Variants in MAML3 observed in about 807,000 individuals in gnomAD.
MAML3 encodes the protein mastermind like transcriptional coactivator 3, also known as mastermind-like protein 3.
MAML3 carries 27 observed loss-of-function variants against 101.9 expected under a neutral mutation model. The observed-to-expected ratio is 0.27, with a 90% CI of 0.20 to 0.37. The LOEUF is 0.37. Ranked by LOEUF, MAML3 falls within the 10% of genes least tolerant of loss-of-function variation. The pLI, the probability that MAML3 is intolerant of heterozygous loss-of-function variation, is 1.00. For synonymous variants in MAML3, 501 were observed against 555.9 expected (o/e 0.90, Z 1.39); for missense variants, 1,316 against 1,444.9 (o/e 0.91, Z 1.45).
chr4:140,114,143 C>A (rs759220041), intron 1 of MAML3, among the ~76,000 whole-genome samples: 36 of 152,276 alleles, frequency 2.4e-4, no homozygotes, highest in Middle Eastern at 3.4e-3. Flanking sequence ...CTCTGCCCTG[C>A]GAAATATGCC....
intron 1 of MAML3, among the ~76,000 whole-genome samples, chr4:139,971,834 G>A (rs970042924): frequency 6.6e-6 from 1 of 152,144 alleles, no homozygotes; most frequent in African/African-American, 2.4e-5. Context: ...CACAGTGTGA[G>A]CATTCCCTGG....
chr4:139,864,934 T>G lies in MAML3; in HGVS notation c.2079+24423A>C, dbSNP rs962843172. 4.0e-4 allele frequency among the ~76,000 whole-genome samples: 57 copies of G among 141,078 alleles called. 3 individuals are homozygous for G. Among genetic ancestry groups the G allele is most frequent in the East Asian group, 2.8e-3 (14 of 4,958 alleles). The allele number at this position is 141,078 out of a possible 152,430, so 92.6% of individuals were successfully genotyped here. A position where few individuals can be genotyped will look rare whatever the true frequency, so the allele number is the denominator to read the frequency against. On this transcript the variant is annotated intron_variant, in intron 2 of 4. Transcript: ENST00000509479. Reference sequence around the variant, plus strand: ...GTAATGCAAACTTGCTTTTTTTTTTTTTTTTTTTTTTTTTTTTTTGCCACA... The same window carrying G: ...GTAATGCAAACTTGCTTTTTTTTTTGTTTTTTTTTTTTTTTTTTTGCCACA...
intron 2 of MAML3, among the ~76,000 whole-genome samples, chr4:139,795,270 A>G (rs1315415672): frequency 6.6e-6 from 1 of 152,254 alleles, no homozygotes; most frequent in Non-Finnish European, 1.5e-5. Flanking sequence ...TTGAAGAGGA[A>G]CACAAGCAAG....
chr4:140,064,204 G>C (rs894106715), intron 1 of MAML3, among the ~76,000 whole-genome samples: 3 of 152,046 alleles, frequency 2.0e-5, no homozygotes, highest in African/African-American at 7.2e-5. Flanking sequence ...AATCCCCTTT[G>C]ATTTGGTTCT....
chr4:140,122,648 C>A (rs533809449), intron 1 of MAML3, among the ~76,000 whole-genome samples: 48 of 151,730 alleles, frequency 3.2e-4, no homozygotes, highest in African/African-American at 9.7e-4. Context: ...AAAAATTAGC[C>A]GGGCGTAGTG....
intron 1 of MAML3, among the ~76,000 whole-genome samples, chr4:140,104,474 AT>A (rs565204552): frequency 0.24 from 20,903 of 86,966 alleles, 2,296 homozygotes; most frequent in Middle Eastern, 0.44. Context: ...TATATATATA[AT>A]TTTTTTTTTT....
chr4:139,841,872 C>A (rs757753467), intron 2 of MAML3, among the ~76,000 whole-genome samples: 6 of 152,202 alleles, frequency 3.9e-5, no homozygotes, highest in Non-Finnish European at 8.8e-5. Context: ...CGGTGAGCAG[C>A]GCAGAGCTTC....
chr4:140,117,249 T>A (rs1377949201), intron 1 of MAML3, among the ~76,000 whole-genome samples: 2 of 152,184 alleles, frequency 1.3e-5, no homozygotes, highest in Non-Finnish European at 2.9e-5. Context: ...TTCCTAATTA[T>A]ATTGATCCAA....
chr4:140,119,214 A>ATT (rs1728564115), intron 1 of MAML3, among the ~76,000 whole-genome samples: 1 of 152,234 alleles, frequency 6.6e-6, no homozygotes, highest in African/African-American at 2.4e-5. Context: ...AGTTTCCACT[A>ATT]CATAACCCTT....
At chr4:139,980,326 C>T (rs982706377) in intron 1 of MAML3, among the ~76,000 whole-genome samples, 2 of 152,156 alleles carry the variant, frequency 1.3e-5, no homozygotes, top group Non-Finnish European at 1.5e-5. Context: ...TTCCCTTCCC[C>T]CACCCTCTGC....
intron 1 of MAML3, among the ~76,000 whole-genome samples, chr4:139,917,363 A>G (rs1460927193): frequency 2.0e-5 from 3 of 152,192 alleles, no homozygotes; most frequent in African/African-American, 7.2e-5. Flanking sequence ...ATGCCATCCA[A>G]TAAGGTTGGC....
chr4:139,832,027 T>G (rs1168393158), intron 2 of MAML3, among the ~76,000 whole-genome samples: 1 of 150,516 alleles, frequency 6.6e-6, no homozygotes, highest in Admixed American at 6.7e-5. Context: ...TCTCCTGACT[T>G]CGTGATCCAC....
In MAML3 at chr4:139,978,611, C is replaced by CAAA. The variant is rs71584346; in HGVS notation, c.469-87647_469-87645dup. On this transcript the variant is annotated intron_variant, in intron 1 of 4. Transcript: ENST00000509479. ...CATGACTTCCCAGCATCAACCACAT[C>CAAA]AAAAAAAAAGAGAGAGAGAGAGAGC... 5.7e-4 allele frequency among the ~76,000 whole-genome samples: 70 copies of CAAA among 122,258 alleles called. 4 individuals carry two copies. The highest frequency in any genetic ancestry group is 9.6e-4 in the Non-Finnish European group (54 of 56,526). The allele number at this position is 122,258 out of a possible 152,430, so 80.2% of individuals were successfully genotyped here.
At chr4:139,953,995 C>T (rs1232424456) in intron 1 of MAML3, among the ~76,000 whole-genome samples, 1 of 152,176 alleles carries the variant, frequency 6.6e-6, no homozygotes, top group African/African-American at 2.4e-5. Context: ...GATTCTTGGG[C>T]ATCTTTCCTG....
chr4:140,057,887 T>C (rs984466926), intron 1 of MAML3, among the ~76,000 whole-genome samples: 1 of 152,076 alleles, frequency 6.6e-6, no homozygotes, highest in African/African-American at 2.4e-5. Context: ...TTATGGAGGA[T>C]CTCAAAGTGA....
At chr4:139,922,607 T>G (rs1733149337) in intron 1 of MAML3, among the ~76,000 whole-genome samples, 1 of 152,254 alleles carries the variant, frequency 6.6e-6, no homozygotes, top group Non-Finnish European at 1.5e-5. Context: ...CCTCTGTTTT[T>G]AAGTTCTGGA....
intron 2 of MAML3, among the ~76,000 whole-genome samples, chr4:139,884,482 C>G (rs891454786): frequency 6.6e-6 from 1 of 152,198 alleles, no homozygotes; most frequent in Non-Finnish European, 1.5e-5. Context: ...AAAATTAACA[C>G]CACATTTTGG....
chr4:139,787,447 T>C (rs1014601955), intron 2 of MAML3, among the ~76,000 whole-genome samples: 2 of 152,196 alleles, frequency 1.3e-5, no homozygotes, highest in African/African-American at 4.8e-5. Flanking sequence ...TATCACACCT[T>C]CTTTTCCTTC....
chr4:139,957,370 C>T (rs182976856), intron 1 of MAML3, among the ~76,000 whole-genome samples: 11 of 152,170 alleles, frequency 7.2e-5, no homozygotes. Flanking sequence ...TCCAACCAGG[C>T]TCTGCTAGAC....
Sources: allele counts gnomAD v4.1 joint callset (sites outside exome capture counted in the v4.1 genomes callset), GRCh38; gene constraint gnomAD v4.1.1; transcripts MANE v1.5; gene names NCBI Gene and HGNC (gene_info 2026-07-23, HGNC 2026-07-21).